The following DISP3 variants were observed in gnomAD, a reference collection of about 807,000 sequenced individuals.
The protein encoded by DISP3 is dispatched RND transporter family member 3.
DISP3 carries 101 observed loss-of-function variants against 135.3 expected under a neutral mutation model. The observed-to-expected ratio is 0.75, with a 90% CI of 0.64 to 0.88. DISP3 has a LOEUF of 0.88. Ranked by LOEUF, DISP3 falls within the 40% of genes least tolerant of loss-of-function variation. The pLI is 0.00. For missense variants in DISP3, 1,713 were observed against 1,878.6 expected, an observed-to-expected ratio of 0.91 and a Z score of 1.63; for synonymous variants, 856 against 817.0, an observed-to-expected ratio of 1.05 and a Z score of -0.81.
chr1:11,522,714 A>G (rs1642257353), intron 10 of DISP3, among the ~76,000 whole-genome samples: 1 of 135,186 alleles, frequency 7.4e-6, no homozygotes, highest in African/African-American at 2.8e-5. Context: ...GGACCCAGCC[A>G]GGGCCCAGCC....
intron 3 of DISP3, among the ~76,000 whole-genome samples, chr1:11,513,701 T>C (rs1641921802): frequency 6.6e-6 from 1 of 152,116 alleles, no homozygotes; most frequent in African/African-American, 2.4e-5. Context: ...CTTTGGGGAG[T>C]CCAATATCTC....
In DISP3 at chr1:11,525,331, G is replaced by A. The variant is rs1367798519; in HGVS notation, c.2613+19G>A. 6.2e-7 allele frequency: 1 copy of A among 1,605,390 alleles called. No homozygotes were observed. The highest frequency in any genetic ancestry group is 8.5e-7 in the Non-Finnish European group (1 of 1,173,750). Reference sequence around the variant, plus strand: ...CTTCCAGGTGAGCCTGGGCTGTCGTGAAGTGAGCCGCCACCACTGTGGGTG... The same window carrying A: ...CTTCCAGGTGAGCCTGGGCTGTCGTAAAGTGAGCCGCCACCACTGTGGGTG... On this transcript the variant is annotated intron_variant, in intron 12 of 20. Transcript: ENST00000294484.
intron 3 of DISP3, among the ~76,000 whole-genome samples, chr1:11,503,520 G>C (rs1641613036): frequency 6.6e-6 from 1 of 152,164 alleles, no homozygotes; most frequent in Admixed American, 6.5e-5. Context: ...GAAGGCCAGA[G>C]AGCGTAGAGT....
rs1317367593 is a variant in DISP3 at position 11,520,003 on chromosome 1, C to T, written c.2200+123C>T. 4 of 893,038 alleles carry T rather than the reference C, an allele frequency of 4.5e-6. No homozygotes were observed. The highest frequency in any genetic ancestry group is 1.7e-5 in the South Asian group (1 of 58,668). The allele number at this position is 893,038 out of a possible 1,614,324, so 55.3% of individuals were successfully genotyped here. On this transcript the variant is annotated intron_variant, in intron 9 of 20. Transcript: ENST00000294484. This position sits in a 1 kb window ranked among gnomAD's most constrained non-coding sequence, Gnocchi z 4.8. ...CAGAGGCCTGGGCTGGGGTCTCTCC[C>T]TCTCTGACCCCCCCTCTTTCCTGTG...
Position 11,535,649 on chromosome 1 carries a change from G to C in DISP3, c.3816+5G>C. 1 of 1,608,736 alleles carries C rather than the reference G, an allele frequency of 6.2e-7. No individual in the cohort carries two copies. The highest frequency in any genetic ancestry group is 8.5e-7 in the Non-Finnish European group (1 of 1,178,542). On this transcript the variant is annotated splice_donor_5th_base_variant and intron_variant, in intron 20 of 20. Coordinates refer to ENST00000294484, the MANE Select transcript of DISP3 (RefSeq NM_020780.2). ...CTGCCCCCCCACCAGGCCGAGGTGC[G>C]CACCCTGCCCGCCTTACCCACTTCC...
rs369217941 is a variant in DISP3, at chr1:11,531,560, C to G, written c.3230-5C>G. 2 of 1,613,228 alleles carry G rather than the reference C, an allele frequency of 1.2e-6. No homozygotes were observed. Among genetic ancestry groups the G allele is most frequent in the Non-Finnish European group, 1.7e-6 (2 of 1,179,966 alleles). ...ACGCACTCCCTTTCTTGCCTCTCCC[C>G]GCAGGCTACAGCATCTCCTCCTTCC... On this transcript the variant is annotated splice_polypyrimidine_tract_variant and splice_region_variant and intron_variant, in intron 16 of 20. Coordinates refer to ENST00000294484, the MANE Select transcript of DISP3 (RefSeq NM_020780.2). The surrounding 1 kb of genome is among the most constrained non-coding windows in gnomAD (Gnocchi z 5.2).
At chr1:11,487,721 G>A (rs77918984) in intron 1 of DISP3, among the ~76,000 whole-genome samples, 2,054 of 152,258 alleles carry the variant, frequency 0.013, 17 homozygotes, top group Non-Finnish European at 0.023. Context: ...CTCCCTGAGC[G>A]TTGCCCTCTC....
Position 11,519,273 on chromosome 1 carries a change from A to T in DISP3, c.1890-82A>T. On this transcript the variant is annotated intron_variant, in intron 7 of 20. Coordinates refer to ENST00000294484, the MANE Select transcript of DISP3 (RefSeq NM_020780.2). This position sits in a 1 kb window ranked among gnomAD's most constrained non-coding sequence, Gnocchi z 4.3. ...CAGCAGCACTGTGATACCTGGGTTC[A>T]TCTGATCCTCAGGGCCCTGCCCCAC... is the stretch of plus-strand genomic sequence containing the variant. 6.8e-7 allele frequency: 1 copy of T among 1,478,466 alleles called. No homozygotes were observed. Among genetic ancestry groups the T allele is most frequent in the Non-Finnish European group, 9.3e-7 (1 of 1,078,378 alleles). The allele number at this position is 1,478,466 out of a possible 1,614,324, so 91.6% of individuals were successfully genotyped here.
chr1:11,525,490 G>T (rs1460181522), intron 12 of DISP3, among the ~76,000 whole-genome samples, 178 bp downstream of exon 12: 1 of 152,226 alleles, frequency 6.6e-6, no homozygotes, highest in Non-Finnish European at 1.5e-5. Context: ...GTAGCAGCGT[G>T]GGCTTCTGAG....
At chr1:11,502,599 T>C in intron 2 of DISP3, 79 bp from the exon 3 acceptor site, 5 of 1,158,812 alleles carry the variant, frequency 4.3e-6, no homozygotes, top group Non-Finnish European at 6.2e-6. Context: ...AGGGCTGCAA[T>C]GAGACTGGAT....
At position 11,483,406 on chromosome 1, in the gene DISP3, C is replaced by T. The variant is rs1477928848; in HGVS notation, c.-4+4034C>T. ...ATGGACTGTCTCACTTAAGCCTTGC[C>T]ACCATCTCATGTCACATGAATTGTC... On this transcript the variant is annotated intron_variant, in intron 1 of 20. Coordinates refer to ENST00000294484, the MANE Select transcript of DISP3 (RefSeq NM_020780.2). This position sits in a 1 kb window ranked among gnomAD's most constrained non-coding sequence, Gnocchi z 5.4. 6.6e-6 allele frequency among the ~76,000 whole-genome samples: 1 copy of T among 152,180 alleles called. No individual in the cohort carries two copies. Among genetic ancestry groups the T allele is most frequent in the African/African-American group, 2.4e-5 (1 of 41,428 alleles).
rs537149451 is a variant in DISP3, at chr1:11,491,829, A to C, written c.-3-9161A>C. Among the ~76,000 whole-genome samples the C allele has an allele frequency of 6.6e-5, 10 of 152,242 alleles. No individual in the cohort carries two copies. Among genetic ancestry groups the C allele is most frequent in the African/African-American group, 2.4e-4 (10 of 41,536 alleles). On this transcript the variant is annotated intron_variant, in intron 1 of 20. Transcript: ENST00000294484. The surrounding 1 kb of genome is among the most constrained non-coding windows in gnomAD (Gnocchi z 4.3). ...CAGTCCTGGGCTCTGGCTGGCTAAG[A>C]AGTTAATAATTGGCCGGGCGCGGTG... is the stretch of plus-strand genomic sequence containing the variant.
intron 3 of DISP3, among the ~76,000 whole-genome samples, chr1:11,508,574 T>C (rs1484500135): frequency 6.6e-6 from 1 of 152,206 alleles, no homozygotes; most frequent in East Asian, 1.9e-4. Context: ...ATCAGTTTTA[T>C]TGATGTCAAA....
rs370269221 is a variant in DISP3, at chr1:11,502,682, C to T, written c.1101C>T (p.Ser367=). ...CCCCCACCCCTGTCCTTGCAGGCTC[C>T]CTGGAGCTGGCCATGACTCACCCTG... The part of the protein sequence containing the change: ...MGQDLADIRG[S]LELAMTHPEF... The change falls in exon 3 of 21, where the codon TCC becomes TCT. Residue 367 remains serine, a synonymous_variant. Transcript: ENST00000294484. 182 of 1,613,696 alleles carry T rather than the reference C, an allele frequency of 1.1e-4. No individual in the cohort carries two copies. The African/African-American group carries it at 2.2e-3, about 19-fold the overall frequency.
At position 11,502,768 on chromosome 1, in the gene DISP3, G is replaced by T. The variant is rs780545984; in HGVS notation, c.1187G>T (p.Arg396Leu). 4 of 1,614,172 alleles carry T rather than the reference G, an allele frequency of 2.5e-6. No homozygotes were observed. Among genetic ancestry groups the T allele is most frequent in the Non-Finnish European group, 2.5e-6 (3 of 1,180,028 alleles). ...GACAATCTGAAGAGCTCCCTCCTGCGCAGTGAGATCCTGTTTGGAGCACCC... is the reference window on the plus strand; with the variant it reads ...GACAATCTGAAGAGCTCCCTCCTGCTCAGTGAGATCCTGTTTGGAGCACCC... ...SADNLKSSLL[R>L]SEILFGAPLP... The change falls in exon 3 of 21, where the codon CGC (arginine) becomes CTC (leucine). Residue 396 changes from arginine to leucine, a missense_variant. Arg to Leu is a moderately radical substitution (Grantham distance 102). Coordinates refer to ENST00000294484, the MANE Select transcript of DISP3 (RefSeq NM_020780.2).
chr1:11,515,802 A>G (rs1300349845), intron 5 of DISP3, among the ~76,000 whole-genome samples, 199 bp from the exon 6 acceptor site: 3 of 149,846 alleles, frequency 2.0e-5, no homozygotes, highest in African/African-American at 7.4e-5. Flanking sequence ...GGTTGGGGCC[A>G]AGGAGTGTGG....
At chr1:11,496,412 GAGA>G (rs1302570159) in intron 1 of DISP3, among the ~76,000 whole-genome samples, 15 of 152,246 alleles carry the variant, frequency 9.9e-5, no homozygotes, top group Admixed American at 3.3e-4. Context: ...ATTGGTCACT[GAGA>G]AGAACATTCC....
Position 11,513,343 on chromosome 1 carries a change from T to A in DISP3, c.1317-1047T>A, listed in dbSNP as rs562333846. 4.6e-5 allele frequency among the ~76,000 whole-genome samples: 7 copies of A among 152,330 alleles called. No homozygotes were observed. The South Asian group carries it at 1.5e-3, about 32-fold the overall frequency. ...ACAAGTATACTGGATATGAATTATTTCAGTTTTTGTCTATCTAAAAAAGTT... is the reference window on the plus strand; with the variant it reads ...ACAAGTATACTGGATATGAATTATTACAGTTTTTGTCTATCTAAAAAAGTT... On this transcript the variant is annotated intron_variant, in intron 3 of 20. Transcript: ENST00000294484.
intron 18 of DISP3, chr1:11,534,764 A>C: frequency 1.3e-6 from 1 of 770,740 alleles, no homozygotes; most frequent in Admixed American, 2.2e-5. Flanking sequence ...GCCACCTAAA[A>C]AGTAACAGTC....
Sources: allele counts gnomAD v4.1 joint callset (sites outside exome capture counted in the v4.1 genomes callset), GRCh38; gene constraint gnomAD v4.1.1; non-coding constraint Gnocchi (gnomAD v3.1); transcripts MANE v1.5; gene names NCBI Gene and HGNC (gene_info 2026-07-23, HGNC 2026-07-21).